Variants in NRP1 observed in about 807,000 individuals in gnomAD.
NRP1 encodes neuropilin-1.
Under a neutral mutation model 106.7 loss-of-function variants are expected in NRP1, and 35 were observed. The ratio of observed to expected loss-of-function variants is 0.33; its 90% CI spans 0.25 to 0.43. NRP1 has a LOEUF of 0.43. NRP1 is among the 20% of genes least tolerant of loss of function. The pLI is 1.00. For missense variants in NRP1, 1,024 were observed against 1,170.4 expected (o/e 0.87, Z 1.83); for synonymous variants, 437 against 417.9 (o/e 1.05, Z -0.56).
At chr10:33,182,604 A>T (rs1835756358) in intron 16 of NRP1, 94 bp downstream of exon 16, 6 of 829,362 alleles carry the variant, frequency 7.2e-6, no homozygotes, top group Middle Eastern at 3.4e-4. Context: ...ACTTTTTGAC[A>T]TACCAGTGTA....
intron 2 of NRP1, among the ~76,000 whole-genome samples, chr10:33,289,692 C>T (rs1305301117): frequency 1.3e-5 from 2 of 152,174 alleles, no homozygotes; most frequent in African/African-American, 4.8e-5. Flanking sequence ...CCTGATGAAG[C>T]TGTTAATTAT....
At chr10:33,186,597 A>G (rs1434247089) in intron 13 of NRP1, 109 bp from the exon 14 acceptor site, 1 of 1,294,288 alleles carries the variant, frequency 7.7e-7, no homozygotes, top group Non-Finnish European at 1.1e-6. Flanking sequence ...AGCACCAAGA[A>G]CCCAAATACG....
At chr10:33,232,777 G>T (rs1260659826) in intron 6 of NRP1, among the ~76,000 whole-genome samples, 1 of 150,944 alleles carries the variant, frequency 6.6e-6, no homozygotes, top group Non-Finnish European at 1.5e-5. Context: ...AGAGTAGTTG[G>T]GATTGTAGGC....
At chr10:33,319,002 C>CTTTTTTTTTTTTTTT (rs36010472) in intron 2 of NRP1, among the ~76,000 whole-genome samples, 1 of 90,764 alleles carries the variant, frequency 1.1e-5, no homozygotes, top group Non-Finnish European at 2.3e-5. Flanking sequence ...TCTTTTCTTT[C>CTTTTTTTTTTTTTTT]TTTTTTTTTT....
chr10:33,180,598 G>A (rs971886578), intron 16 of NRP1, among the ~76,000 whole-genome samples: 4 of 152,128 alleles, frequency 2.6e-5, no homozygotes, highest in African/African-American at 9.7e-5. Context: ...CAACTGGGAG[G>A]TTCCTTGCTC....
chr10:33,327,741 GGTAA>G (rs1231824312), intron 2 of NRP1, among the ~76,000 whole-genome samples: 1 of 152,010 alleles, frequency 6.6e-6, no homozygotes, highest in East Asian at 1.9e-4. Flanking sequence ...CACAAAAGGA[GGTAA>G]GTATTTTGCC....
intron 6 of NRP1, among the ~76,000 whole-genome samples, chr10:33,247,716 C>G (rs1841528110): frequency 6.6e-6 from 1 of 152,226 alleles, no homozygotes; most frequent in South Asian, 2.1e-4. Flanking sequence ...CACCTGCACC[C>G]TGGCTGGGTG....
At chr10:33,235,372 G>A (rs1840475616) in intron 6 of NRP1, among the ~76,000 whole-genome samples, 1 of 152,190 alleles carries the variant, frequency 6.6e-6, no homozygotes, top group Non-Finnish European at 1.5e-5. Context: ...GGTGAAGAAT[G>A]CCATTTTCAG....
intron 6 of NRP1, among the ~76,000 whole-genome samples, chr10:33,240,987 A>C (rs1840969217): frequency 1.3e-5 from 2 of 152,212 alleles, no homozygotes; most frequent in Non-Finnish European, 2.9e-5. Flanking sequence ...GGAGCTGTAT[A>C]TGCTGATTTG....
chr10:33,179,887 T>C lies in NRP1; in HGVS notation c.*189A>G, dbSNP rs1230115395. On this transcript the variant is annotated 3_prime_UTR_variant, in exon 17 of 17. Coordinates refer to ENST00000374867, the MANE Select transcript of NRP1 (RefSeq NM_003873.7). ...CAACAGGAAAAAAGCTGACTGCACA[T>C]GAGTCCGATGGTGAACACAGCTCCT... 5 of 633,688 alleles carry C rather than the reference T, an allele frequency of 7.9e-6. No individual in the cohort carries two copies. The Admixed American group carries it at 1.1e-4, about 14-fold the overall frequency. The allele number at this position is 633,688 out of a possible 1,614,324, so 39.3% of individuals were successfully genotyped here.
intron 10 of NRP1, chr10:33,206,222 C>A (rs1837765121): frequency 1.9e-6 from 1 of 518,916 alleles, no homozygotes; most frequent in African/African-American, 1.9e-5. Context: ...ACTCCTTTTC[C>A]AGATGACCAC....
intron 8 of NRP1, among the ~76,000 whole-genome samples, chr10:33,219,238 C>T (rs1839030793): frequency 6.6e-6 from 1 of 152,148 alleles, no homozygotes; most frequent in Non-Finnish European, 1.5e-5. Flanking sequence ...ATTATAGTTG[C>T]ATTAAGGTGA....
chr10:33,306,615 G>GGTTT (rs10643659), intron 2 of NRP1, among the ~76,000 whole-genome samples: 127,648 of 151,760 alleles, frequency 0.84, 54,203 homozygotes, highest in East Asian at 0.98. Context: ...AATTATGGTT[G>GGTTT]ATTTCCTTTG....
chr10:33,225,864 T>C (rs1839621061), intron 7 of NRP1, among the ~76,000 whole-genome samples: 1 of 152,232 alleles, frequency 6.6e-6, no homozygotes, highest in African/African-American at 2.4e-5. Context: ...AGAATCTGTG[T>C]CCCCATGGGG....
Position 33,254,023 on chromosome 10 carries a change from C to A in NRP1, c.981+5G>T. Reference sequence around the variant, plus strand: ...CCTAGATAGGCTTGATCTTATGCTGCATACCTGTATCCACTCTCGGTAGGA... The same window carrying A: ...CCTAGATAGGCTTGATCTTATGCTGAATACCTGTATCCACTCTCGGTAGGA... On this transcript the variant is annotated splice_donor_5th_base_variant and intron_variant, in intron 6 of 16. Coordinates refer to ENST00000374867, the MANE Select transcript of NRP1 (RefSeq NM_003873.7). 6.2e-7 allele frequency: 1 copy of A among 1,602,432 alleles called. No individual in the cohort carries two copies. The highest frequency in any genetic ancestry group is 1.8e-5 in the Admixed American group (1 of 56,818).
Position 33,270,791 on chromosome 10 carries a change from C to A in NRP1, c.314G>T (p.Gly105Val). ...CACAACAGGAGGAGGGGCTATCTTTCCACAGAACTTTCCCCTAAAATGTCC... is the reference window on the plus strand; with the variant it reads ...CACAACAGGAGGAGGGGCTATCTTTACACAGAACTTTCCCCTAAAATGTCC... ...ENGHFRGKFC[G>V]KIAPPPVVSS... The change falls in exon 3 of 17, where the codon GGA becomes GTA. Residue 105 changes from glycine (G) to valine (V), a missense_variant. Gly to Val is a moderately radical substitution (Grantham distance 109). This residue lies in a region of NRP1 where 279 missense variants were observed against 327.4 expected (regional missense o/e 0.85). Coordinates refer to ENST00000374867, the MANE Select transcript of NRP1 (RefSeq NM_003873.7). 6.2e-7 allele frequency: 1 copy of A among 1,613,866 alleles called. No homozygotes were observed. The highest frequency in any genetic ancestry group is 8.5e-7 in the Non-Finnish European group (1 of 1,179,862).
At chr10:33,183,463 T>G (rs1397242934) in intron 15 of NRP1, among the ~76,000 whole-genome samples, 2 of 152,240 alleles carry the variant, frequency 1.3e-5, no homozygotes, top group East Asian at 3.8e-4. Context: ...CTATAGTTTG[T>G]AGATAACTGC....
At chr10:33,243,678 GTGCCCAAGTCACA>G (rs1841195160) in intron 6 of NRP1, among the ~76,000 whole-genome samples, 1 of 152,190 alleles carries the variant, frequency 6.6e-6, no homozygotes, top group African/African-American at 2.4e-5. Flanking sequence ...TGGGAAAAAA[GTGCCCAAGTCACA>G]TGCACAAGTG....
chr10:33,180,122 A>C lies in NRP1; in HGVS notation c.2726T>G (p.Leu909Trp), dbSNP rs775598824. ...CTGTGTATTCAGTTTGTCTTTTTTC[A>C]ACTTCACACCATCCACAAGTTCAAA... ...YNFELVDGVK[L>W]KKDKLNTQST... The change falls in exon 17 of 17, where the codon TTG becomes TGG. Residue 909 changes from leucine (L) to tryptophan (W), a missense_variant. Leu to Trp is a moderately conservative substitution (Grantham distance 61). Coordinates refer to ENST00000374867, the MANE Select transcript of NRP1 (RefSeq NM_003873.7). The C allele has an allele frequency of 7.4e-6, 12 of 1,614,076 alleles. No individual in the cohort carries two copies. The Admixed American group carries it at 2.0e-4, about 27-fold the overall frequency.
Sources: allele counts gnomAD v4.1 joint callset (sites outside exome capture counted in the v4.1 genomes callset), GRCh38; gene constraint gnomAD v4.1.1; regional missense constraint gnomAD v4.1.1; transcripts MANE v1.5; gene names NCBI Gene and HGNC (gene_info 2026-07-23, HGNC 2026-07-21).